NAALADL2: variants seen among roughly 807,000 people sequenced by gnomAD.
The protein encoded by NAALADL2 is N-acetylated alpha-linked acidic dipeptidase like 2.
In NAALADL2, 76 loss-of-function variants were observed where a neutral mutation model predicts 87.2. The ratio of observed to expected loss-of-function variants is 0.87; its 90% CI spans 0.72 to 1.05. NAALADL2 has a LOEUF of 1.05. NAALADL2 is among the 50% of genes least tolerant of loss of function. NAALADL2 has a pLI of 0.00. For missense variants in NAALADL2, 1,089 were observed against 945.8 expected (o/e 1.15, Z -1.99); for synonymous variants, 354 against 331.0 (o/e 1.07, Z -0.75).
At chr3:175,507,087 A>G (rs1730437141) in intron 9 of NAALADL2, among the ~76,000 whole-genome samples, 1 of 150,604 alleles carries the variant, frequency 6.6e-6, no homozygotes, top group Non-Finnish European at 1.5e-5. Flanking sequence ...AATGGACAAT[A>G]TTTTTTCCTA....
intron 4 of NAALADL2, among the ~76,000 whole-genome samples, chr3:175,267,195 A>G (rs1210686605): frequency 1.3e-5 from 2 of 152,064 alleles, no homozygotes; most frequent in Non-Finnish European, 2.9e-5. Context: ...TAGGCAAAAC[A>G]TATATAAAAG....
intron 2 of NAALADL2, among the ~76,000 whole-genome samples, chr3:174,558,141 A>G (rs1004449656): frequency 6.6e-6 from 1 of 152,158 alleles, no homozygotes; most frequent in Admixed American, 6.5e-5. Context: ...AATAATGGGA[A>G]CACTTCTGAT....
chr3:175,145,705 G>A (rs1412173172), intron 2 of NAALADL2, among the ~76,000 whole-genome samples: 2 of 151,538 alleles, frequency 1.3e-5, no homozygotes, highest in African/African-American at 2.4e-5. Context: ...CTGAATTATT[G>A]CTATTGCAAA....
At chr3:175,562,969 T>TGC in intron 9 of NAALADL2, among the ~76,000 whole-genome samples, 1 of 151,906 alleles carries the variant, frequency 6.6e-6, no homozygotes, top group African/African-American at 2.4e-5. Context: ...TGTGTGTGTG[T>TGC]GTATGTGTGT....
intron 11 of NAALADL2, among the ~76,000 whole-genome samples, chr3:175,682,388 T>A (rs1464062897): frequency 6.6e-6 from 1 of 152,006 alleles, no homozygotes; most frequent in East Asian, 1.9e-4. Flanking sequence ...AAAAATGGAA[T>A]AATATTGCAT....
intron 1 of NAALADL2, among the ~76,000 whole-genome samples, chr3:174,921,754 G>C (rs959224308): frequency 7.2e-6 from 1 of 138,538 alleles, no homozygotes; most frequent in Non-Finnish European, 1.5e-5. Context: ...GCAGTAAGCC[G>C]AGATTGTGCC....
intron 1 of NAALADL2, among the ~76,000 whole-genome samples, chr3:175,013,008 C>CATATATAATATAT (rs1553916640): frequency 5.6e-5 from 6 of 106,844 alleles, no homozygotes; most frequent in Non-Finnish European, 1.0e-4. Flanking sequence ...TATATATGTA[C>CATATATAATATAT]ATATATAATA....
At chr3:174,805,654 A>C (rs9290516) in intron 3 of NAALADL2, among the ~76,000 whole-genome samples, 113,412 of 152,024 alleles carry the variant, frequency 0.75, 42,898 homozygotes, top group African/African-American at 0.88. Flanking sequence ...TTTCCTTAGG[A>C]ATTTTGTTAC....
chr3:175,587,031 T>G (rs1210302816), intron 10 of NAALADL2, among the ~76,000 whole-genome samples: 1 of 152,188 alleles, frequency 6.6e-6, no homozygotes, highest in African/African-American at 2.4e-5. Context: ...CAGAGGCATC[T>G]TTGGTGAAAG....
At chr3:175,571,728 G>A (rs1430860168) in intron 9 of NAALADL2, among the ~76,000 whole-genome samples, 1 of 152,166 alleles carries the variant, frequency 6.6e-6, no homozygotes, top group Non-Finnish European at 1.5e-5. Flanking sequence ...AAGATTTAGA[G>A]AATAGTGTTT....
chr3:175,149,910 A>G (rs1456694082), intron 2 of NAALADL2, among the ~76,000 whole-genome samples: 2 of 152,150 alleles, frequency 1.3e-5, no homozygotes, highest in Non-Finnish European at 2.9e-5. Flanking sequence ...GGTTTGTGCA[A>G]TGCTCAAACC....
intron 9 of NAALADL2, among the ~76,000 whole-genome samples, chr3:175,556,863 C>T (rs1553921534): frequency 2.0e-5 from 3 of 152,148 alleles, no homozygotes; most frequent in Non-Finnish European, 4.4e-5. Context: ...TTAACAGTCT[C>T]ATTCTTAGAA....
chr3:174,792,051 CA>C (rs1354445873), intron 3 of NAALADL2, among the ~76,000 whole-genome samples: 3 of 151,680 alleles, frequency 2.0e-5, no homozygotes, highest in Non-Finnish European at 2.9e-5. Context: ...TCTACTAAAA[CA>C]AAAAACAAAC....
chr3:174,961,469 A>C, intron 1 of NAALADL2, among the ~76,000 whole-genome samples: 1 of 152,106 alleles, frequency 6.6e-6, no homozygotes, highest in East Asian at 1.9e-4. Flanking sequence ...TGAGATGGGG[A>C]ACGTGTATTT....
At chr3:175,385,900 T>C (rs908468696) in intron 5 of NAALADL2, among the ~76,000 whole-genome samples, 1 of 152,016 alleles carries the variant, frequency 6.6e-6, no homozygotes, top group African/African-American at 2.4e-5. Flanking sequence ...GAAGCTTCTA[T>C]ATGCCCAAGG....
intron 1 of NAALADL2, among the ~76,000 whole-genome samples, chr3:175,091,974 G>T (rs144820599): frequency 5.9e-5 from 9 of 151,966 alleles, no homozygotes; most frequent in African/African-American, 2.2e-4. Context: ...AGTTAACCAT[G>T]TATTTTAAAC....
At chr3:175,559,115 T>C (rs1344950158) in intron 9 of NAALADL2, among the ~76,000 whole-genome samples, 1 of 152,144 alleles carries the variant, frequency 6.6e-6, no homozygotes, top group Non-Finnish European at 1.5e-5. Flanking sequence ...CAGTGTTTTA[T>C]AGTTTTCATG....
chr3:174,641,901 C>A (rs1447149219), intron 2 of NAALADL2, among the ~76,000 whole-genome samples: 6 of 152,118 alleles, frequency 3.9e-5, no homozygotes, highest in Non-Finnish European at 7.3e-5. Context: ...AGACCACAAG[C>A]ATGGGCCACT....
At chr3:175,005,390 T>C (rs1207878403) in intron 1 of NAALADL2, among the ~76,000 whole-genome samples, 1 of 152,200 alleles carries the variant, frequency 6.6e-6, no homozygotes, top group African/African-American at 2.4e-5. Flanking sequence ...TACTGCTGAC[T>C]ACACTTTATA....
Sources: allele counts gnomAD v4.1 joint callset (sites outside exome capture counted in the v4.1 genomes callset), GRCh38; gene constraint gnomAD v4.1.1; transcripts MANE v1.5; gene names NCBI Gene and HGNC (gene_info 2026-07-23, HGNC 2026-07-21).